OR2V1: variants seen among roughly 807,000 people sequenced by gnomAD.
OR2V1 encodes the protein olfactory receptor 2V1.
In OR2V1, 18 loss-of-function variants were observed where a neutral mutation model predicts 15.0. The observed-to-expected ratio is 1.20, with a 90% CI of 0.83 to 1.78. The LOEUF (loss-of-function observed/expected upper bound fraction) is 1.78. Ranked by LOEUF, OR2V1 falls within the 40% of genes most tolerant of loss-of-function variation. The probability of loss-of-function intolerance (pLI) is 0.00; values close to 1 mark genes in which losing one functional copy is unlikely to be tolerated. For synonymous variants in OR2V1, 144 were observed against 146.1 expected, an observed-to-expected ratio of 0.99 and a Z score of 0.10; for missense variants, 359 against 392.9, an observed-to-expected ratio of 0.91 and a Z score of 0.73.
rs767595705 is a variant in OR2V1 at position 181,124,501 on chromosome 5, G to A, written c.804C>T (p.Ala268=). ...FMYLRPRRYR[A]PSHDKVASIF... ...TAGAGGCCACCTTGTCATGGCTAGG[G>A]GCCCGGTAGCGCCTAGGCCTCAGGT... The change falls in exon 4 of 4, where the codon GCC becomes GCT. Residue 268 remains alanine, a synonymous_variant. Coordinates refer to ENST00000641551, the MANE Select transcript of OR2V1 (RefSeq NM_001258283.2). The A allele has an allele frequency of 2.5e-4, 400 of 1,613,788 alleles. 1 individual carries two copies. Among genetic ancestry groups the A allele is most frequent in the African/African-American group, 2.3e-3 (175 of 74,902 alleles).
At position 181,124,447 on chromosome 5, in the gene OR2V1, C is replaced by G. The variant is rs749095416; in HGVS notation, c.858G>C (p.Leu286=). The part of the protein sequence containing the change: ...SIFYTVLTPM[L]NPLIYSLRNG... ...TCCTCAAGCTGTAAATGAGGGGGTT[C>G]AGCATGGGAGTAAGGACTGTGTAGA... is the stretch of plus-strand genomic sequence containing the variant. Residue 286 remains leucine, a synonymous_variant, in exon 4 of 4, where the codon CTG becomes CTC. Coordinates refer to ENST00000641551, the MANE Select transcript of OR2V1 (RefSeq NM_001258283.2). 6.2e-6 allele frequency: 10 copies of G among 1,613,712 alleles called. No individual in the cohort carries two copies. In the East Asian group the frequency reaches 8.9e-5, roughly 14 times the overall value.
rs760065254 is a variant in OR2V1, at chr5:181,124,964, A to G, written c.341T>C (p.Leu114Pro). 1.2e-6 allele frequency: 2 copies of G among 1,614,106 alleles called. No individual in the cohort carries two copies. The highest frequency in any genetic ancestry group is 4.5e-5 in the East Asian group (2 of 44,878). Residue 114 changes from leucine to proline, a missense_variant, in exon 4 of 4, where the codon CTC becomes CCC. Coordinates refer to ENST00000641551, the MANE Select transcript of OR2V1 (RefSeq NM_001258283.2). ...GTCATAAGCCATGAGTCCCAGCAAG[A>G]GCCCCTCAGATCCCACAAGAGAGAC... is the stretch of plus-strand genomic sequence containing the variant. The part of the protein sequence containing the change: ...FFVSLVGSEG[L>P]LLGLMAYDRY...
intron 3 of OR2V1, among the ~76,000 whole-genome samples, chr5:181,129,218 C>A (rs1236414482): frequency 6.6e-6 from 1 of 152,048 alleles, no homozygotes; most frequent in Non-Finnish European, 1.5e-5. Context: ...GGTGACAGAG[C>A]GAGCTTTGTC....
intron 3 of OR2V1, among the ~76,000 whole-genome samples, chr5:181,125,606 T>C (rs537865455): frequency 6.6e-6 from 1 of 152,370 alleles, no homozygotes; most frequent in South Asian, 2.1e-4. Context: ...CACTGCCTCT[T>C]AGCTGGGGTC....
intron 1 of OR2V1, among the ~76,000 whole-genome samples, chr5:181,130,828 C>T (rs1157620961): frequency 6.6e-6 from 1 of 151,918 alleles, no homozygotes; most frequent in Non-Finnish European, 1.5e-5. Flanking sequence ...ATTGCCCCCC[C>T]ACACACACAT....
intron 2 of OR2V1, among the ~76,000 whole-genome samples, 198 bp from the exon 3 acceptor site, chr5:181,129,773 C>T (rs147669687): frequency 7.9e-4 from 121 of 152,310 alleles, no homozygotes; most frequent in African/African-American, 2.8e-3. Context: ...GGGAGGACCC[C>T]GTCCCACATC....
rs1173772996 is a variant in OR2V1, at chr5:181,125,399, G to A, written c.-21-74C>T. On this transcript the variant is annotated intron_variant, in intron 3 of 3. Coordinates refer to ENST00000641551, the MANE Select transcript of OR2V1 (RefSeq NM_001258283.2). ...GCTCCAAATTCTTCAGTTCAACAGC[G>A]TATGCTCTGAGAGATGCAGGAGGAC... The A allele has an allele frequency of 2.4e-4, 273 of 1,142,674 alleles. 3 individuals are homozygous for A. In the East Asian group the frequency reaches 6.1e-3, roughly 26 times the overall value. 70.8% of individuals were successfully genotyped at this position (1,142,674 alleles called of 1,614,324 possible).
chr5:181,126,595 C>T (rs561886235), intron 3 of OR2V1, among the ~76,000 whole-genome samples: 82 of 152,000 alleles, frequency 5.4e-4, no homozygotes, highest in Non-Finnish European at 9.9e-4. Flanking sequence ...CATAGATACA[C>T]GGAGTCACAC....
rs114233428 is a variant in OR2V1, at chr5:181,126,055, G to A, written c.-21-730C>T. ...GTTCTTTAGTCTTTACTTTGTTCAG[G>A]TCAAAAATCCTGGGACCATTTTCAA... On this transcript the variant is annotated intron_variant, in intron 3 of 3. Transcript: ENST00000641551. Among the ~76,000 whole-genome samples, 1,118 of 152,202 alleles carry A rather than the reference G, an allele frequency of 7.3e-3. 5 individuals carry two copies. Among genetic ancestry groups the A allele is most frequent in the Non-Finnish European group, 9.8e-3 (664 of 68,024 alleles).
chr5:181,125,087 A>G lies in OR2V1; in HGVS notation c.218T>C (p.Met73Thr). The change falls in exon 4 of 4, where the codon ATG (methionine) becomes ACG (threonine). Residue 73 changes from methionine to threonine, a missense_variant. Met to Thr is a moderately conservative substitution (Grantham distance 81). Coordinates refer to ENST00000641551, the MANE Select transcript of OR2V1 (RefSeq NM_001258283.2). ...CTTTGGCACAATGTTACAGACCAAC[A>G]TGAGGTCCATGAGGGAGAGCTGGCT... is the stretch of plus-strand genomic sequence containing the variant. ...FLSQLSLMDL[M>T]LVCNIVPKMA... The G allele has an allele frequency of 8.1e-6, 13 of 1,614,242 alleles. No individual in the cohort carries two copies. Among genetic ancestry groups the G allele is most frequent in the Non-Finnish European group, 1.0e-5 (12 of 1,180,040 alleles).
At chr5:181,125,598 C>T (rs1762863091) in intron 3 of OR2V1, among the ~76,000 whole-genome samples, 1 of 152,268 alleles carries the variant, frequency 6.6e-6, no homozygotes, top group Non-Finnish European at 1.5e-5. Flanking sequence ...CCACATGGCA[C>T]TGCCTCTTAG....
At position 181,124,643 on chromosome 5, in the gene OR2V1, C is replaced by G. The variant is rs1223685484; in HGVS notation, c.662G>C (p.Cys221Ser). The change falls in exon 4 of 4, where the codon TGC becomes TCC. Residue 221 changes from cysteine (C) to serine (S), a missense_variant. Coordinates refer to ENST00000641551, the MANE Select transcript of OR2V1 (RefSeq NM_001258283.2). ...PFSIIMASYA[C>S]ILGAVLRIRS... ...TATTCGGAGCACAGCCCCTAGGATG[C>G]AAGCATAGGAGGCCATGATGATGGA... 1.2e-6 allele frequency: 2 copies of G among 1,613,600 alleles called. No homozygotes were observed. Among genetic ancestry groups the G allele is most frequent in the African/African-American group, 2.7e-5 (2 of 74,886 alleles).
chr5:181,124,615 G>GCATA lies in OR2V1; in HGVS notation c.689_690insTATG (p.Ser231MetfsTer35). The GCATA allele has an allele frequency of 6.2e-7, 1 of 1,613,776 alleles. No individual in the cohort carries two copies. Among genetic ancestry groups the GCATA allele is most frequent in the African/African-American group, 1.3e-5 (1 of 74,996 alleles). ...GGGCTTTTTTCCAGGCCTGAGCAGA[G>GCATA]CGTATTCGGAGCACAGCCCCTAGGA... On this transcript the variant is annotated frameshift_variant, in exon 4 of 4. Coordinates refer to ENST00000641551, the MANE Select transcript of OR2V1 (RefSeq NM_001258283.2). LOFTEE classifies it high-confidence loss of function.
intron 3 of OR2V1, among the ~76,000 whole-genome samples, 176 bp from the exon 4 acceptor site, chr5:181,125,501 T>A (rs1444949244): frequency 6.6e-6 from 1 of 152,190 alleles, no homozygotes; most frequent in Non-Finnish European, 1.5e-5. Context: ...TTTGTGCATA[T>A]CCATACCCAG....
At chr5:181,128,748 C>T (rs1422826548) in intron 3 of OR2V1, among the ~76,000 whole-genome samples, 1 of 152,152 alleles carries the variant, frequency 6.6e-6, no homozygotes. Flanking sequence ...CCTTCCCTGC[C>T]TTGGTTCCCA....
intron 3 of OR2V1, among the ~76,000 whole-genome samples, chr5:181,128,210 AC>A (rs57287973): frequency 3.0e-4 from 9 of 29,678 alleles, no homozygotes; most frequent in Admixed American, 9.7e-4. Flanking sequence ...ACACACACAC[AC>A]ACACACACAC....
chr5:181,124,275 GA>G lies in OR2V1; in HGVS notation c.*81del. 7.7e-7 allele frequency: 1 copy of G among 1,306,074 alleles called. No individual in the cohort carries two copies. The highest frequency in any genetic ancestry group is 1.0e-6 in the Non-Finnish European group (1 of 980,984). The allele number at this position is 1,306,074 out of a possible 1,614,324, so 80.9% of individuals were successfully genotyped here. On this transcript the variant is annotated 3_prime_UTR_variant, in exon 4 of 4. Coordinates refer to ENST00000641551, the MANE Select transcript of OR2V1 (RefSeq NM_001258283.2). ...TCCAATGACCATCAACAGGTGAATG[GA>G]AACAGACACTCACAAAGGTTGAGTG...
In OR2V1 at chr5:181,124,642, G is replaced by A; in HGVS notation, c.663C>T (p.Cys221=). The A allele has an allele frequency of 6.2e-7, 1 of 1,613,854 alleles. No individual in the cohort carries two copies. The highest frequency in any genetic ancestry group is 8.5e-7 in the Non-Finnish European group (1 of 1,180,004). The change falls in exon 4 of 4, where the codon TGC becomes TGT. Residue 221 remains cysteine (C), a synonymous_variant. Coordinates refer to ENST00000641551, the MANE Select transcript of OR2V1 (RefSeq NM_001258283.2). ...GTATTCGGAGCACAGCCCCTAGGAT[G>A]CAAGCATAGGAGGCCATGATGATGG... The part of the protein sequence containing the change: ...PFSIIMASYA[C]ILGAVLRIRS...
rs950127617 is a variant in OR2V1 at position 181,124,953 on chromosome 5, G to T, written c.352C>A (p.Leu118Ile). The T allele has an allele frequency of 6.2e-7, 1 of 1,613,962 alleles. No homozygotes were observed. Among genetic ancestry groups the T allele is most frequent in the Non-Finnish European group, 8.5e-7 (1 of 1,180,038 alleles). Residue 118 changes from leucine to isoleucine, a missense_variant, in exon 4 of 4, where the codon CTC (leucine) becomes ATC (isoleucine). Leu to Ile is a conservative substitution (Grantham distance 5). Transcript: ENST00000641551. ...LVGSEGLLLG[L>I]MAYDRYVAVS... ...GCCACGTAGCGGTCATAAGCCATGAGTCCCAGCAAGAGCCCCTCAGATCCC... is the reference window on the plus strand; with the variant it reads ...GCCACGTAGCGGTCATAAGCCATGATTCCCAGCAAGAGCCCCTCAGATCCC...
Sources: gnomAD v4.1 joint callset for allele counts (sites outside exome capture counted in the v4.1 genomes callset) on GRCh38, gnomAD v4.1.1 for gene constraint, MANE v1.5 for transcripts, NCBI Gene and HGNC (gene_info 2026-07-23, HGNC 2026-07-21) for gene names.